Variants in DLGAP2 observed in about 807,000 individuals in gnomAD.
DLGAP2 encodes disks large-associated protein 2.
A neutral mutation model predicts 100.3 loss-of-function variants in DLGAP2; 26 were observed. That is an observed-to-expected ratio of 0.26 (90% CI 0.19 to 0.36). The LOEUF (loss-of-function observed/expected upper bound fraction) is 0.36, where lower values mean the gene tolerates loss of function less well. Ranked by LOEUF, DLGAP2 falls within the 10% of genes least tolerant of loss-of-function variation. The pLI is 1.00. For synonymous variants in DLGAP2, 886 were observed against 630.1 expected (o/e 1.41, Z -6.08); for missense variants, 1,858 against 1,453.2 (o/e 1.28, Z -4.53).
intron 2 of DLGAP2, among the ~76,000 whole-genome samples, chr8:1,017,811 T>C (rs1428398325): frequency 3.3e-5 from 5 of 152,228 alleles, no homozygotes; most frequent in Non-Finnish European, 7.3e-5. Flanking sequence ...CTCTCCACGC[T>C]ACTGGGTTCA....
intron 1 of DLGAP2, among the ~76,000 whole-genome samples, chr8:809,935 T>C (rs533049665): frequency 3.5e-4 from 53 of 152,348 alleles, no homozygotes; most frequent in African/African-American, 1.2e-3. Flanking sequence ...AATTTCTCTT[T>C]GGTTGGCGAT....
chr8:947,865 C>CT (rs1799368254), intron 2 of DLGAP2, among the ~76,000 whole-genome samples: 1 of 149,072 alleles, frequency 6.7e-6, no homozygotes. Flanking sequence ...TGTGCCATGG[C>CT]TCCCCAACCC....
intron 2 of DLGAP2, among the ~76,000 whole-genome samples, chr8:1,249,920 AC>A (rs1430919787): frequency 6.6e-6 from 1 of 152,094 alleles, no homozygotes; most frequent in East Asian, 1.9e-4. Flanking sequence ...TTGCTCTGTC[AC>A]CCAGGCTGGA....
At chr8:1,483,652 C>A (rs1004518350) in intron 3 of DLGAP2, among the ~76,000 whole-genome samples, 3 of 15,272 alleles carry the variant, frequency 2.0e-4, no homozygotes, top group Non-Finnish European at 4.0e-4. Flanking sequence ...GACCTGAGGG[C>A]GTCTACACAG....
intron 2 of DLGAP2, among the ~76,000 whole-genome samples, chr8:1,222,384 T>C (rs1447033259): frequency 2.0e-5 from 3 of 152,204 alleles, no homozygotes; most frequent in African/African-American, 7.2e-5. Context: ...CTGCATGCTC[T>C]AACCCTGGGG....
chr8:1,342,090 A>C (rs1439790118), intron 3 of DLGAP2, among the ~76,000 whole-genome samples: 1 of 152,020 alleles, frequency 6.6e-6, no homozygotes, highest in Non-Finnish European at 1.5e-5. Context: ...AGCTGGGGCA[A>C]CAGGCAGGTG....
intron 5 of DLGAP2, among the ~76,000 whole-genome samples, chr8:1,553,123 A>G (rs1281060447): frequency 6.6e-6 from 1 of 152,156 alleles, no homozygotes; most frequent in Non-Finnish European, 1.5e-5. Flanking sequence ...ATGGAGGGAC[A>G]GCGGGGCCCC....
chr8:989,348 C>G (rs529697462), intron 2 of DLGAP2, among the ~76,000 whole-genome samples: 1 of 152,182 alleles, frequency 6.6e-6, no homozygotes, highest in Non-Finnish European at 1.5e-5. Context: ...GGGCTGTCTT[C>G]GGGTTTTTTA....
intron 1 of DLGAP2, among the ~76,000 whole-genome samples, chr8:899,009 C>T (rs1798199040): frequency 6.6e-6 from 1 of 152,182 alleles, no homozygotes; most frequent in African/African-American, 2.4e-5. Context: ...GTTTAACAAG[C>T]CCCCCAGGCG....
At chr8:778,639 C>T (rs1585853311) in intron 1 of DLGAP2, among the ~76,000 whole-genome samples, 1 of 152,206 alleles carries the variant, frequency 6.6e-6, no homozygotes, top group Admixed American at 6.5e-5. Context: ...GGGTGCCTCC[C>T]AGTTAGGCTG....
At chr8:787,665 G>T (rs753877487) in intron 1 of DLGAP2, among the ~76,000 whole-genome samples, 1 of 152,180 alleles carries the variant, frequency 6.6e-6, no homozygotes, top group African/African-American at 2.4e-5. Flanking sequence ...GCCTTGTCTT[G>T]CTCCGGGCCC....
chr8:1,682,837 C>T (rs1364713640), intron 12 of DLGAP2, among the ~76,000 whole-genome samples: 2 of 151,618 alleles, frequency 1.3e-5, no homozygotes, highest in African/African-American at 4.8e-5. Flanking sequence ...TATTTTTCTT[C>T]AGTAAGGTAG....
At chr8:1,479,956 T>G (rs1799043610) in intron 3 of DLGAP2, among the ~76,000 whole-genome samples, 1 of 152,200 alleles carries the variant, frequency 6.6e-6, no homozygotes, top group South Asian at 2.1e-4. Flanking sequence ...TGACTTTTGT[T>G]TTTCATGAGA....
At chr8:1,637,359 C>A (rs930905884) in intron 8 of DLGAP2, among the ~76,000 whole-genome samples, 11 of 152,106 alleles carry the variant, frequency 7.2e-5, no homozygotes, top group Non-Finnish European at 1.3e-4. Context: ...AACACGTCTT[C>A]TCCTTGGATC....
intron 2 of DLGAP2, among the ~76,000 whole-genome samples, chr8:1,106,129 A>C: frequency 9.2e-6 from 1 of 108,272 alleles, no homozygotes; most frequent in South Asian, 2.9e-4. Context: ...AGGGTTTTCT[A>C]TTGAGGGGAG....
intron 2 of DLGAP2, among the ~76,000 whole-genome samples, chr8:1,124,444 C>G (rs1355990526): frequency 1.3e-5 from 2 of 152,174 alleles, no homozygotes; most frequent in Non-Finnish European, 2.9e-5. Flanking sequence ...AGCTGGGCCA[C>G]TTAAGTAAGC....
At chr8:1,523,179 G>C (rs952188711) in intron 4 of DLGAP2, among the ~76,000 whole-genome samples, 2 of 152,204 alleles carry the variant, frequency 1.3e-5, no homozygotes, top group African/African-American at 4.8e-5. Context: ...CCCCCCTCTG[G>C]TGGTCCGGGC....
chr8:1,227,718 A>T (rs1406503910), intron 2 of DLGAP2, among the ~76,000 whole-genome samples: 1 of 152,188 alleles, frequency 6.6e-6, no homozygotes, highest in Admixed American at 6.5e-5. Flanking sequence ...GGAATTATAT[A>T]AAGAGATAAA....
At chr8:1,090,158 C>G (rs1247882185) in intron 2 of DLGAP2, among the ~76,000 whole-genome samples, 1 of 140,592 alleles carries the variant, frequency 7.1e-6, no homozygotes, top group Non-Finnish European at 1.6e-5. Flanking sequence ...GCCCTCCTGG[C>G]CAGACAGGGG....
Sources: allele counts gnomAD v4.1 joint callset (sites outside exome capture counted in the v4.1 genomes callset), GRCh38; gene constraint gnomAD v4.1.1; transcripts MANE v1.5; gene names NCBI Gene and HGNC (gene_info 2026-07-23, HGNC 2026-07-21).